Variants in PCK2 observed in about 807,000 individuals in gnomAD.
The protein encoded by PCK2 is phosphoenolpyruvate carboxykinase [GTP], mitochondrial.
A neutral mutation model predicts 65.9 loss-of-function variants in PCK2; 56 were observed. That is an observed-to-expected ratio of 0.85 (90% CI 0.69 to 1.06). The LOEUF (loss-of-function observed/expected upper bound fraction) is 1.06. PCK2 is among the 50% of genes least tolerant of loss of function. The pLI is 0.00. For missense variants in PCK2, 843 were observed against 863.1 expected, an observed-to-expected ratio of 0.98 and a Z score of 0.29; for synonymous variants, 305 against 319.6, an observed-to-expected ratio of 0.95 and a Z score of 0.49.
chr14:24,097,658 G>C (rs924792811), intron 2 of PCK2, among the ~76,000 whole-genome samples: 34 of 150,586 alleles, frequency 2.3e-4, no homozygotes, highest in Non-Finnish European at 4.3e-4. Context: ...CATGATTTCA[G>C]CTCACAACAA....
rs748159215 is a variant in PCK2 at position 24,096,957 on chromosome 14, T to C, written c.95T>C (p.Val32Ala). The change falls in exon 2 of 10, where the codon GTG becomes GCG. Residue 32 changes from valine (V) to alanine (A), a missense_variant. Physicochemically the swap from Val to Ala is moderately conservative, Grantham distance 64. Coordinates refer to ENST00000216780, the MANE Select transcript of PCK2 (RefSeq NM_004563.4). Reference protein sequence around the residue: ...PSCRSIQTLRVLSGDLGQLPT... With the variant: ...PSCRSIQTLRALSGDLGQLPT... ...TGCCGTAGCATCCAGACCCTGCGAG[T>C]GCTTAGTGGAGATCTGGGCCAGCTT... 29 of 1,613,312 alleles carry C rather than the reference T, an allele frequency of 1.8e-5. No homozygotes were observed. The highest frequency in any genetic ancestry group is 2.4e-5 in the Non-Finnish European group (28 of 1,179,672).
chr14:24,099,891 T>C, intron 6 of PCK2, 104 bp from the exon 7 acceptor site: 1 of 1,601,954 alleles, frequency 6.2e-7, no homozygotes, highest in East Asian at 2.2e-5. Flanking sequence ...TCATCAGATC[T>C]TGGGTCCATC....
chr14:24,102,966 C>T (rs941543416), intron 8 of PCK2, 76 bp downstream of exon 8: 2 of 1,453,902 alleles, frequency 1.4e-6, no homozygotes, highest in Admixed American at 1.8e-5. Context: ...TCCCTCTGAT[C>T]CAGAGCCTCA....
intron 7 of PCK2, chr14:24,100,419 C>A: frequency 8.6e-7 from 1 of 1,158,254 alleles, no homozygotes; most frequent in Non-Finnish European, 1.2e-6. Context: ...CTAAGTTGCT[C>A]AACTTCCCTA....
chr14:24,103,455 C>A, intron 9 of PCK2, 55 bp from the exon 10 acceptor site: 1 of 1,456,938 alleles, frequency 6.9e-7, no homozygotes, highest in Non-Finnish European at 9.3e-7. Context: ...TGCAGGGTGC[C>A]CTTCCCTACC....
Position 24,094,904 on chromosome 14 carries a change from A to G in PCK2, c.29+470A>G. The G allele has an allele frequency of 8.3e-7, 1 of 1,210,758 alleles. No individual in the cohort carries two copies. Among genetic ancestry groups the G allele is most frequent in the Non-Finnish European group, 1.1e-6 (1 of 917,838 alleles). The allele number at this position is 1,210,758 out of a possible 1,614,324, so 75.0% of individuals were successfully genotyped here. A position where few individuals can be genotyped will look rare whatever the true frequency, so the allele number is the denominator to read the frequency against. On this transcript the variant is annotated intron_variant, in intron 1 of 9. Transcript: ENST00000216780. The surrounding 1 kb of genome is among the most constrained non-coding windows in gnomAD (Gnocchi z 4.1). ...CCCTAAAGAAGGTGGAAGGTTAAATATCCATTCCCGGCCTCTCCCGGACTG... is the reference window on the plus strand; with the variant it reads ...CCCTAAAGAAGGTGGAAGGTTAAATGTCCATTCCCGGCCTCTCCCGGACTG...
chr14:24,099,329 G>C, intron 5 of PCK2, 93 bp downstream of exon 5: 2 of 1,278,684 alleles, frequency 1.6e-6, no homozygotes, highest in South Asian at 1.4e-5. Context: ...CTCCTGCCAG[G>C]TGCCAGGCTG....
rs1566582581 is a variant in PCK2, at chr14:24,103,790, T to C, written c.1749T>C (p.Asp583=). 2 of 1,614,124 alleles carry C rather than the reference T, an allele frequency of 1.2e-6. No individual in the cohort carries two copies. Among genetic ancestry groups the C allele is most frequent in the East Asian group, 2.2e-5 (1 of 44,876 alleles). The stretch of plus-strand genomic sequence containing the variant: ...TGGTGCCAAAGGAAGGAGCCTTGGA[T>C]CTCAGCGGCCTCAGAGCTATAGACA... The part of the protein sequence containing the change: ...IGLVPKEGAL[D]LSGLRAIDTT... The change falls in exon 10 of 10, where the codon GAT becomes GAC. Residue 583 remains aspartate, a synonymous_variant. Coordinates refer to ENST00000216780, the MANE Select transcript of PCK2 (RefSeq NM_004563.4).
intron 1 of PCK2, among the ~76,000 whole-genome samples, chr14:24,096,471 A>C (rs955091100): frequency 1.3e-5 from 2 of 151,908 alleles, no homozygotes; most frequent in Non-Finnish European, 2.9e-5. Flanking sequence ...TCCTGACCTC[A>C]TGATCCACCT....
At chr14:24,097,167 T>C in intron 2 of PCK2, 30 bp downstream of exon 2, 1 of 1,606,786 alleles carries the variant, frequency 6.2e-7, no homozygotes, top group South Asian at 1.1e-5. Context: ...ACCTGCAGGA[T>C]AGGTGCACTG....
chr14:24,094,475 T>A lies in PCK2; in HGVS notation c.29+41T>A. 6.7e-7 allele frequency: 1 copy of A among 1,498,070 alleles called. No individual in the cohort carries two copies. Among genetic ancestry groups the A allele is most frequent in the South Asian group, 1.3e-5 (1 of 78,530 alleles). 92.8% of individuals were successfully genotyped at this position (1,498,070 alleles called of 1,614,324 possible). ...CCCGGGGCCCACCCGCACCTTCCGCTGCGCTCGCCCCCTCGGGGCTGCCAG... is the reference window on the plus strand; with the variant it reads ...CCCGGGGCCCACCCGCACCTTCCGCAGCGCTCGCCCCCTCGGGGCTGCCAG... On this transcript the variant is annotated intron_variant, in intron 1 of 9. Coordinates refer to ENST00000216780, the MANE Select transcript of PCK2 (RefSeq NM_004563.4). The surrounding 1 kb of genome is among the most constrained non-coding windows in gnomAD (Gnocchi z 4.1).
chr14:24,099,488 C>T lies in PCK2; in HGVS notation c.853-70C>T, dbSNP rs1262425091. On this transcript the variant is annotated intron_variant, in intron 5 of 9. Transcript: ENST00000216780. ...GTCCTCCCTATTAGACCCTAGCTGCCCTTCCCCATGCAGACCATGCCCTGA... is the reference window on the plus strand; with the variant it reads ...GTCCTCCCTATTAGACCCTAGCTGCTCTTCCCCATGCAGACCATGCCCTGA... The T allele has an allele frequency of 4.2e-6, 6 of 1,420,332 alleles. No homozygotes were observed. In the East Asian group the frequency reaches 1.4e-4, roughly 32 times the overall value. 88.0% of individuals were successfully genotyped at this position (1,420,332 alleles called of 1,614,324 possible).
chr14:24,095,254 G>C (rs1163209880), intron 1 of PCK2: 1 of 455,436 alleles, frequency 2.2e-6, no homozygotes, highest in African/African-American at 2.0e-5. Flanking sequence ...GCTGCAAGAG[G>C]GTGTGGGGGC....
chr14:24,097,590 A>ATT (rs200681299), intron 2 of PCK2, among the ~76,000 whole-genome samples: 14 of 137,846 alleles, frequency 1.0e-4, no homozygotes, highest in African/African-American at 3.4e-4. Flanking sequence ...AGAAACTGGG[A>ATT]TTTTTTTTTT....
chr14:24,101,647 G>A (rs1293225175), intron 7 of PCK2, among the ~76,000 whole-genome samples: 1 of 152,200 alleles, frequency 6.6e-6, no homozygotes, highest in Non-Finnish European at 1.5e-5. Flanking sequence ...TCCTTGCAGG[G>A]CACAGTGACT....
At position 24,098,523 on chromosome 14, in the gene PCK2, C is replaced by T. The variant is rs775144169; in HGVS notation, c.509C>T (p.Pro170Leu). The T allele has an allele frequency of 2.7e-5, 43 of 1,614,004 alleles. No homozygotes were observed. Among genetic ancestry groups the T allele is most frequent in the Middle Eastern group, 3.3e-4 (2 of 6,084 alleles). ...LPFSMGPVGS[P>L]LSRIGVQLTD... ...TTCAGCATGGGTCCTGTGGGCTCCC[C>T]GCTGTCCCGCATCGGGGTGCAGCTC... Residue 170 changes from proline to leucine, a missense_variant, in exon 4 of 10, where the codon CCG (proline) becomes CTG (leucine). Pro to Leu is a moderately conservative substitution (Grantham distance 98). Coordinates refer to ENST00000216780, the MANE Select transcript of PCK2 (RefSeq NM_004563.4).
In PCK2 at chr14:24,102,750, CA is replaced by C; in HGVS notation, c.1235-2del. ...ATAATAGTGTTTGTATTTCCTCTGC[CA>C]GGTGACAAGGAGCCCTGTGCACATC... On this transcript the variant is annotated splice_acceptor_variant, in intron 7 of 9. Transcript: ENST00000216780. LOFTEE classifies it high-confidence loss of function. 1 of 1,612,384 alleles carries C rather than the reference CA, an allele frequency of 6.2e-7. No homozygotes were observed. Among genetic ancestry groups the C allele is most frequent in the Non-Finnish European group, 8.5e-7 (1 of 1,178,982 alleles).
At chr14:24,098,178 T>A in intron 2 of PCK2, 25 bp from the exon 3 acceptor site, 1 of 1,571,640 alleles carries the variant, frequency 6.4e-7, no homozygotes, top group Non-Finnish European at 8.7e-7. Context: ...GGCCACCATC[T>A]TCCTGACAAT....
chr14:24,094,567 G>A lies in PCK2; in HGVS notation c.29+133G>A. The A allele has an allele frequency of 1.4e-6, 2 of 1,445,382 alleles. No homozygotes were observed. The highest frequency in any genetic ancestry group is 1.8e-6 in the Non-Finnish European group (2 of 1,103,240). 89.5% of individuals were successfully genotyped at this position (1,445,382 alleles called of 1,614,324 possible). Reference sequence around the variant, plus strand: ...TAGGCGGAGGCGGGCAGGGGCGACTGCTGTGGGTCCAGCCTCCCGCGCCGC... The same window carrying A: ...TAGGCGGAGGCGGGCAGGGGCGACTACTGTGGGTCCAGCCTCCCGCGCCGC... On this transcript the variant is annotated intron_variant, in intron 1 of 9. Transcript: ENST00000216780. The surrounding 1 kb of genome is among the most constrained non-coding windows in gnomAD (Gnocchi z 4.1).
Sources: gnomAD v4.1 joint callset for allele counts (sites outside exome capture counted in the v4.1 genomes callset) on GRCh38, gnomAD v4.1.1 for gene constraint, Gnocchi (gnomAD v3.1) non-coding constraint, MANE v1.5 for transcripts, NCBI Gene and HGNC (gene_info 2026-07-23, HGNC 2026-07-21) for gene names.